CUX1: variants seen among roughly 807,000 people sequenced by gnomAD.
The protein encoded by CUX1 is protein CASP.
In CUX1, 31 loss-of-function variants were observed where a neutral mutation model predicts 158.8. The ratio of observed to expected loss-of-function variants is 0.20; its 90% CI spans 0.15 to 0.26. The LOEUF (loss-of-function observed/expected upper bound fraction) is 0.26. Among genes scored for constraint, CUX1 ranks in the 10% least tolerant of loss-of-function variants. The probability of loss-of-function intolerance (pLI) is 1.00; values close to 1 mark genes in which losing one functional copy is unlikely to be tolerated. For missense variants in CUX1, 1,589 were observed against 2,014.6 expected (o/e 0.79, Z 4.04); for synonymous variants, 879 against 862.1 (o/e 1.02, Z -0.34).
chr7:102,186,021 G>A (rs1475697194), intron 11 of CUX1, among the ~76,000 whole-genome samples: 1 of 152,238 alleles, frequency 6.6e-6, no homozygotes, highest in Non-Finnish European at 1.5e-5. Flanking sequence ...GACAGGAGGA[G>A]TGCGTCTTCA....
At chr7:102,087,370 C>T (rs1221744130) in intron 4 of CUX1, among the ~76,000 whole-genome samples, 1 of 152,164 alleles carries the variant, frequency 6.6e-6, no homozygotes. Context: ...CACCTGAGGT[C>T]AGCAGTTTTA....
chr7:101,820,736 T>C (rs1055696448), intron 1 of CUX1, among the ~76,000 whole-genome samples: 7 of 152,218 alleles, frequency 4.6e-5, no homozygotes, highest in African/African-American at 1.7e-4. Context: ...TTTTAACATA[T>C]TTAAAATGTT....
chr7:101,987,957 A>G lies in CUX1; in HGVS notation c.142-40141A>G, dbSNP rs145278781. 2.3e-3 allele frequency among the ~76,000 whole-genome samples: 345 copies of G among 152,334 alleles called. 1 individual carries two copies. The highest frequency in any genetic ancestry group is 0.014 in the East Asian group (74 of 5,184). On this transcript the variant is annotated intron_variant, in intron 2 of 23. Coordinates refer to ENST00000292535, the MANE Select transcript of CUX1 (RefSeq NM_181552.4). ...GCTGGGCTGCTGGCTCATGCCTGTA[A>G]TCTCAGCACTTTGGGAGGCCGAGGC...
intron 8 of CUX1, among the ~76,000 whole-genome samples, chr7:102,129,724 A>C (rs1833017018): frequency 6.6e-6 from 1 of 152,254 alleles, no homozygotes; most frequent in East Asian, 1.9e-4. Flanking sequence ...TCTAGTAACT[A>C]ACTGTCTTCT....
intron 1 of CUX1, among the ~76,000 whole-genome samples, chr7:101,894,571 C>G (rs1270288970): frequency 1.3e-5 from 2 of 152,204 alleles, no homozygotes; most frequent in Non-Finnish European, 2.9e-5. Flanking sequence ...CTCGGCCTCC[C>G]AAAGTGCTGG....
chr7:101,843,000 G>A (rs1160882946), intron 1 of CUX1, among the ~76,000 whole-genome samples: 1 of 150,676 alleles, frequency 6.6e-6, no homozygotes, highest in African/African-American at 2.4e-5. Context: ...TGAGTAGCTG[G>A]GACTACAGGC....
chr7:102,168,086 A>T (rs1256718439), intron 9 of CUX1, among the ~76,000 whole-genome samples: 28 of 138,516 alleles, frequency 2.0e-4, no homozygotes, highest in African/African-American at 6.7e-4. Flanking sequence ...TCAGGAAATT[A>T]AAAAAAAAAA....
chr7:101,888,450 G>A (rs1339975259), intron 1 of CUX1, among the ~76,000 whole-genome samples: 3 of 152,202 alleles, frequency 2.0e-5, no homozygotes, highest in Non-Finnish European at 4.4e-5. Flanking sequence ...TTATATACAT[G>A]TACATATCCC....
At chr7:101,937,432 G>A (rs763223727) in intron 2 of CUX1, among the ~76,000 whole-genome samples, 24 of 152,146 alleles carry the variant, frequency 1.6e-4, no homozygotes, top group Non-Finnish European at 2.5e-4. Flanking sequence ...TCACATGTCC[G>A]AGTCCCTGGA....
chr7:101,975,278 G>GAGAAA (rs1812518612), intron 2 of CUX1, among the ~76,000 whole-genome samples: 1 of 149,428 alleles, frequency 6.7e-6, no homozygotes, highest in Admixed American at 6.6e-5. Flanking sequence ...GAGAGAGAGA[G>GAGAAA]AGAAAAGAAA....
chr7:102,110,384 C>T (rs1159136266), intron 6 of CUX1, among the ~76,000 whole-genome samples: 1 of 88,440 alleles, frequency 1.1e-5, no homozygotes, highest in African/African-American at 6.8e-5. Flanking sequence ...TCACATTCCA[C>T]TATAATGTTA....
chr7:101,822,985 A>G (rs1792842181), intron 1 of CUX1, among the ~76,000 whole-genome samples: 1 of 152,126 alleles, frequency 6.6e-6, no homozygotes, highest in Admixed American at 6.5e-5. Context: ...TGCCTCTCTA[A>G]TAAAAATAAT....
chr7:101,913,459 G>C (rs971985686), intron 1 of CUX1: 1 of 1,200,096 alleles, frequency 8.3e-7, no homozygotes, highest in Non-Finnish European at 1.1e-6. Flanking sequence ...CTTGCACCGG[G>C]CCACCTGTTT....
chr7:101,831,050 G>C (rs1272174171), intron 1 of CUX1, among the ~76,000 whole-genome samples: 1 of 152,116 alleles, frequency 6.6e-6, no homozygotes, highest in African/African-American at 2.4e-5. Flanking sequence ...CTGGCCTGCT[G>C]GTTGGTCAGA....
chr7:101,819,589 ATAT>A (rs1792251793), intron 1 of CUX1, among the ~76,000 whole-genome samples: 1 of 152,152 alleles, frequency 6.6e-6, no homozygotes, highest in Non-Finnish European at 1.5e-5. Context: ...CATAATAAGT[ATAT>A]TATTTTAATT....
In CUX1 at chr7:102,115,216, A is replaced by G; in HGVS notation, c.617A>G (p.Lys206Arg). Residue 206 changes from lysine (K) to arginine (R), a missense_variant, in exon 8 of 24, where the codon AAA becomes AGA. Lys to Arg is a conservative substitution (Grantham distance 26, BLOSUM62 2). This residue lies in a region of CUX1 where 515 missense variants were observed against 574.4 expected (regional missense o/e 0.90). Transcript: ENST00000292535. The stretch of plus-strand genomic sequence containing the variant: ...ATTCTTTGCCTTTCAGCCCTGGAAA[A>G]AACTCGAACAGAATTATTTGACCTG... ...KVQSLQTALEKTRTELFDLKT... is the reference protein window; with the variant it reads ...KVQSLQTALERTRTELFDLKT... 6.2e-7 allele frequency: 1 copy of G among 1,608,568 alleles called. No homozygotes were observed.
chr7:102,133,177 A>G (rs1216715556), intron 8 of CUX1, among the ~76,000 whole-genome samples: 1 of 152,152 alleles, frequency 6.6e-6, no homozygotes, highest in Non-Finnish European at 1.5e-5. Context: ...AAATCACAGC[A>G]TGATGCACAA....
intron 21 of CUX1, among the ~76,000 whole-genome samples, chr7:102,229,377 A>AC (rs1554529838): frequency 6.8e-6 from 1 of 146,172 alleles, no homozygotes; most frequent in Non-Finnish European, 1.5e-5. Context: ...ACCTCAGCTT[A>AC]CTACAGCCTC....
chr7:102,274,090 C>A lies in CUX1; in HGVS notation c.1384-154C>A, dbSNP rs566499458. ...TCTTTGGTAGCTCATGTCACGTGTC[C>A]AGGTCCGGGCCCTCCTGCAGCCAGC... On this transcript the variant is annotated intron_variant, in intron 15 of 22. Coordinates refer to the CUX1 transcript ENST00000292538. The A allele has an allele frequency of 7.7e-4, 528 of 689,470 alleles. 4 individuals are homozygous for A. The African/African-American group carries it at 8.1e-3, about 11-fold the overall frequency. 42.7% of individuals were successfully genotyped at this position (689,470 alleles called of 1,614,324 possible). A position where few individuals can be genotyped will look rare whatever the true frequency, so the allele number is the denominator to read the frequency against.
Sources: allele counts gnomAD v4.1 joint callset (sites outside exome capture counted in the v4.1 genomes callset), GRCh38; gene constraint gnomAD v4.1.1; regional missense constraint gnomAD v4.1.1; transcripts MANE v1.5; gene names NCBI Gene and HGNC (gene_info 2026-07-23, HGNC 2026-07-21).